Variants in CAST observed in about 807,000 individuals in gnomAD.
CAST encodes calpastatin, also known as MIR583 host.
CAST carries 76 observed loss-of-function variants against 119.6 expected under a neutral mutation model. That is an observed-to-expected ratio of 0.64 (90% CI 0.53 to 0.77). CAST has a LOEUF of 0.77. Ranked by LOEUF, CAST falls within the 30% of genes least tolerant of loss-of-function variation. CAST has a pLI of 0.00. For synonymous variants in CAST, 319 were observed against 331.6 expected, an observed-to-expected ratio of 0.96 and a Z score of 0.41; for missense variants, 953 against 946.5, an observed-to-expected ratio of 1.01 and a Z score of -0.09.
chr5:95,974,526 T>C, the CAST span, among the ~76,000 whole-genome samples: 2 of 152,244 alleles, frequency 1.3e-5, no homozygotes, highest in Admixed American at 6.5e-5. Context: ...AATTCTTTAA[T>C]AGTTTTCGAA....
chr5:96,761,280 T>G (rs1767858475), intron 24 of CAST: 1 of 152,244 alleles, frequency 6.6e-6, no homozygotes, highest in African/African-American at 2.4e-5. Flanking sequence ...TTCTTTTCAT[T>G]TGACAACTTG....
chr5:96,456,332 C>T, the CAST span, among the ~76,000 whole-genome samples: 1 of 152,174 alleles, frequency 6.6e-6, no homozygotes, highest in Non-Finnish European at 1.5e-5. Context: ...GCTAAACATA[C>T]ATATCTGAGC....
the CAST span, among the ~76,000 whole-genome samples, chr5:96,406,101 G>T: frequency 6.6e-6 from 1 of 152,086 alleles, no homozygotes; most frequent in African/African-American, 2.4e-5. Flanking sequence ...ACCTATGCAG[G>T]CTGACATTTT....
chr5:96,028,227 A>G, the CAST span, among the ~76,000 whole-genome samples: 1 of 152,220 alleles, frequency 6.6e-6, no homozygotes, highest in African/African-American at 2.4e-5. Context: ...AATTACTAGA[A>G]CTGAAAAAGG....
the CAST span, among the ~76,000 whole-genome samples, chr5:95,991,831 T>C: frequency 2.6e-5 from 4 of 152,046 alleles, no homozygotes; most frequent in African/African-American, 9.7e-5. Context: ...ATTTCAAAAT[T>C]GCTAGAACAG....
chr5:96,601,286 T>C (rs1335302292), intron 1 of CAST, among the ~76,000 whole-genome samples: 1 of 152,230 alleles, frequency 6.6e-6, no homozygotes, highest in Non-Finnish European at 1.5e-5. Flanking sequence ...CTTTATTGAA[T>C]GGCAGGTGAC....
the CAST span, chr5:96,393,493 A>AG: frequency 1.6e-6 from 2 of 1,232,502 alleles, no homozygotes; most frequent in Non-Finnish European, 2.3e-6. Context: ...CAATGAGGGG[A>AG]GGGGAGAGAG....
chr5:96,424,297 G>A, the CAST span, among the ~76,000 whole-genome samples: 1 of 152,148 alleles, frequency 6.6e-6, no homozygotes. Context: ...ACAAGTATTT[G>A]CCAGGCTGGT....
intron 1 of CAST, among the ~76,000 whole-genome samples, chr5:96,602,205 T>C (rs1747167604): frequency 6.6e-6 from 1 of 152,222 alleles, no homozygotes; most frequent in African/African-American, 2.4e-5. Flanking sequence ...AACAGTAATA[T>C]GACATGACAA....
chr5:96,637,078 A>G (rs1057092953), intron 1 of CAST, among the ~76,000 whole-genome samples: 5 of 152,326 alleles, frequency 3.3e-5, no homozygotes, highest in South Asian at 4.1e-4. Context: ...CAGGCTCAGC[A>G]TGAGGAGCAG....
chr5:96,405,212 G>C, the CAST span, among the ~76,000 whole-genome samples: 4 of 152,134 alleles, frequency 2.6e-5, no homozygotes, highest in African/African-American at 9.7e-5. Context: ...CTGATGAATT[G>C]AGTCAAAATG....
At chr5:96,387,105 A>G in the CAST span, among the ~76,000 whole-genome samples, 1 of 152,244 alleles carries the variant, frequency 6.6e-6, no homozygotes, top group Non-Finnish European at 1.5e-5. Flanking sequence ...CAGAAAGGTG[A>G]GGTAACCCGC....
chr5:96,215,866 A>G, the CAST span, among the ~76,000 whole-genome samples: 2 of 152,188 alleles, frequency 1.3e-5, no homozygotes, highest in Non-Finnish European at 2.9e-5. Flanking sequence ...GCAGTGCAGT[A>G]GCATGATCTC....
the CAST span, chr5:96,423,518 G>T: frequency 1.4e-5 from 21 of 1,519,616 alleles, no homozygotes; most frequent in Non-Finnish European, 1.7e-5. Flanking sequence ...TACAAAATGG[G>T]CACTTCAGTT....
intron 29 of CAST, chr5:96,768,502 CTTTT>C (rs553007301): frequency 2.0e-5 from 8 of 405,786 alleles, no homozygotes; most frequent in Non-Finnish European, 9.5e-6. Context: ...TGTGGATTTC[CTTTT>C]TTTTCTATAT....
chr5:96,755,599 T>TTG (rs1213536689), intron 22 of CAST, among the ~76,000 whole-genome samples: 6 of 152,202 alleles, frequency 3.9e-5, no homozygotes, highest in Non-Finnish European at 8.8e-5. Flanking sequence ...TCAGTCATCT[T>TTG]TGTAGCAGGC....
At chr5:96,205,518 T>G in the CAST span, among the ~76,000 whole-genome samples, 1 of 152,118 alleles carries the variant, frequency 6.6e-6, no homozygotes, top group Middle Eastern at 3.4e-3. Context: ...TCTTTGTGTC[T>G]GTGTTTACTC....
chr5:96,465,362 G>T, the CAST span, among the ~76,000 whole-genome samples: 3 of 151,668 alleles, frequency 2.0e-5, no homozygotes, highest in Non-Finnish European at 4.4e-5. Context: ...TGATAATTTT[G>T]GCTCTTTATT....
chr5:96,089,250 TA>T, the CAST span, among the ~76,000 whole-genome samples: 4 of 152,044 alleles, frequency 2.6e-5, no homozygotes, highest in African/African-American at 4.8e-5. Context: ...AATGAATATA[TA>T]TTTCGAGGAT....
Sources: gnomAD v4.1 joint callset for allele counts (sites outside exome capture counted in the v4.1 genomes callset) on GRCh38, gnomAD v4.1.1 for gene constraint, MANE v1.5 for transcripts, NCBI Gene and HGNC (gene_info 2026-07-23, HGNC 2026-07-21) for gene names.